ULK4: variants seen among roughly 807,000 people sequenced by gnomAD.
ULK4 encodes unc-51 like kinase 4.
Under a neutral mutation model 160.6 loss-of-function variants are expected in ULK4, and 133 were observed. The ratio of observed to expected loss-of-function variants is 0.83; its 90% CI spans 0.72 to 0.96. The LOEUF (loss-of-function observed/expected upper bound fraction) is 0.96, where lower values mean the gene tolerates loss of function less well. Among genes scored for constraint, ULK4 ranks in the 40% least tolerant of loss-of-function variants. The pLI is 0.00. For missense variants in ULK4, 1,580 were observed against 1,499.5 expected, an observed-to-expected ratio of 1.05 and a Z score of -0.89; for synonymous variants, 534 against 539.8, an observed-to-expected ratio of 0.99 and a Z score of 0.15.
chr3:41,261,863 T>C (rs556262060), intron 35 of ULK4, among the ~76,000 whole-genome samples: 1 of 152,230 alleles, frequency 6.6e-6, no homozygotes, highest in East Asian at 1.9e-4. Flanking sequence ...ACATCTCTCC[T>C]GGCGCTCTTA....
intron 12 of ULK4, among the ~76,000 whole-genome samples, chr3:41,903,768 C>A (rs1223080346): frequency 6.6e-6 from 1 of 151,930 alleles, no homozygotes; most frequent in East Asian, 1.9e-4. Context: ...TCAATAATTG[C>A]AATCAGATCA....
At chr3:41,546,952 T>C (rs565790118) in intron 32 of ULK4, among the ~76,000 whole-genome samples, 2 of 152,240 alleles carry the variant, frequency 1.3e-5, no homozygotes, top group Admixed American at 6.5e-5. Context: ...TTGATGTAAT[T>C]AGTAGTTTTT....
chr3:41,563,687 G>C (rs566215072), intron 32 of ULK4, among the ~76,000 whole-genome samples: 3 of 152,160 alleles, frequency 2.0e-5, no homozygotes, highest in South Asian at 4.1e-4. Flanking sequence ...CGAAGTTCTC[G>C]TGCCATGGTT....
chr3:41,701,944 AAAAAACAAAATG>A (rs1454796010), intron 27 of ULK4, among the ~76,000 whole-genome samples: 2 of 152,184 alleles, frequency 1.3e-5, no homozygotes, highest in Non-Finnish European at 1.5e-5. Flanking sequence ...TTATATAGGG[AAAAAACAAAATG>A]AAAAATAAAA....
At chr3:41,785,159 G>T (rs770590607) in intron 21 of ULK4, among the ~76,000 whole-genome samples, 1 of 152,148 alleles carries the variant, frequency 6.6e-6, no homozygotes, top group Non-Finnish European at 1.5e-5. Context: ...ATCATATCAT[G>T]ATGAGTAGCA....
chr3:41,645,715 G>A (rs1412241085), intron 30 of ULK4, among the ~76,000 whole-genome samples: 7 of 152,070 alleles, frequency 4.6e-5, no homozygotes, highest in African/African-American at 1.7e-4. Flanking sequence ...GGTCTGCTTG[G>A]TGCAGAGCTG....
chr3:41,291,992 G>A (rs1318793220), intron 35 of ULK4, among the ~76,000 whole-genome samples: 2 of 151,842 alleles, frequency 1.3e-5, no homozygotes, highest in Non-Finnish European at 2.9e-5. Flanking sequence ...CACCATGCCC[G>A]GCTATTTTTT....
intron 35 of ULK4, among the ~76,000 whole-genome samples, chr3:41,291,833 T>A (rs1268504325): frequency 6.6e-6 from 1 of 150,864 alleles, no homozygotes; most frequent in Non-Finnish European, 1.5e-5. Context: ...GATGTTCTTT[T>A]TTTTTTTTTT....
intron 19 of ULK4, among the ~76,000 whole-genome samples, chr3:41,807,342 C>T (rs2040677154): frequency 6.6e-6 from 1 of 151,964 alleles, no homozygotes; most frequent in Non-Finnish European, 1.5e-5. Flanking sequence ...AGGAGGAGCC[C>T]ACTAATTCAA....
chr3:41,332,631 G>C (rs1323266197), intron 35 of ULK4, among the ~76,000 whole-genome samples: 2 of 152,164 alleles, frequency 1.3e-5, no homozygotes, highest in Non-Finnish European at 2.9e-5. Flanking sequence ...AAAATTTAAA[G>C]AATCTTATAT....
intron 5 of ULK4, among the ~76,000 whole-genome samples, chr3:41,928,148 GTC>G (rs1699450096): frequency 6.6e-6 from 1 of 151,296 alleles, no homozygotes; most frequent in African/African-American, 2.4e-5. Flanking sequence ...AATCGTAACA[GTC>G]TCTCAGACCA....
chr3:41,732,885 T>A (rs981394294), intron 22 of ULK4, among the ~76,000 whole-genome samples: 1 of 152,120 alleles, frequency 6.6e-6, no homozygotes, highest in Non-Finnish European at 1.5e-5. Context: ...CTCGCTCATA[T>A]GTGGAATCTC....
At chr3:41,745,353 A>G (rs1450509469) in intron 22 of ULK4, among the ~76,000 whole-genome samples, 1 of 151,160 alleles carries the variant, frequency 6.6e-6, no homozygotes. Flanking sequence ...TCAGTAGTAA[A>G]AAGATAAAAT....
chr3:41,528,909 T>C (rs1415323363), intron 32 of ULK4, among the ~76,000 whole-genome samples: 1 of 152,212 alleles, frequency 6.6e-6, no homozygotes, highest in Non-Finnish European at 1.5e-5. Context: ...TGAAATAACA[T>C]GTACAACAAA....
At chr3:41,804,300 G>C (rs1193394088) in intron 19 of ULK4, among the ~76,000 whole-genome samples, 2 of 152,154 alleles carry the variant, frequency 1.3e-5, no homozygotes, top group East Asian at 3.9e-4. Context: ...AGAAGTGTCT[G>C]TTCATGTCCT....
At chr3:41,743,011 G>T (rs1163638973) in intron 22 of ULK4, among the ~76,000 whole-genome samples, 1 of 151,810 alleles carries the variant, frequency 6.6e-6, no homozygotes, top group African/African-American at 2.4e-5. Flanking sequence ...TATCATCAAA[G>T]TCCCAAAGAG....
chr3:41,653,536 A>G (rs13078853), intron 30 of ULK4, among the ~76,000 whole-genome samples: 3 of 152,226 alleles, frequency 2.0e-5, no homozygotes, highest in Non-Finnish European at 2.9e-5. Flanking sequence ...AACGACCCAG[A>G]TGATCTCCAA....
Position 41,444,817 on chromosome 3 carries a change from T to A in ULK4, c.3492+10680A>T, listed in dbSNP as rs1348573635. 2.0e-5 allele frequency among the ~76,000 whole-genome samples: 3 copies of A among 152,182 alleles called. No individual in the cohort carries two copies. The East Asian group carries it at 5.8e-4, about 29-fold the overall frequency. ...GTATGGTGAAATCCCATCTCTACTT[T>A]AAAAAGATACAATCTCACCACTCCT... is the stretch of plus-strand genomic sequence containing the variant. On this transcript the variant is annotated intron_variant, in intron 34 of 36. Coordinates refer to ENST00000301831, the MANE Select transcript of ULK4 (RefSeq NM_017886.4).
chr3:41,861,464 T>G (rs570640735), intron 17 of ULK4, among the ~76,000 whole-genome samples: 2 of 152,336 alleles, frequency 1.3e-5, no homozygotes, highest in Admixed American at 1.3e-4. Flanking sequence ...AAATATGACA[T>G]GTCACTCCCT....
Sources: gnomAD v4.1 joint callset for allele counts (sites outside exome capture counted in the v4.1 genomes callset) on GRCh38, gnomAD v4.1.1 for gene constraint, MANE v1.5 for transcripts, NCBI Gene and HGNC (gene_info 2026-07-23, HGNC 2026-07-21) for gene names.